The following TMEM114 variants were observed in gnomAD, a reference collection of about 807,000 sequenced individuals.
The protein encoded by TMEM114 is claudin-26.
TMEM114 carries 6 observed loss-of-function variants against 6.2 expected under a neutral mutation model. That is an observed-to-expected ratio of 0.97 (90% confidence interval 0.53 to 1.91). The LOEUF (loss-of-function observed/expected upper bound fraction) is 1.91. TMEM114 is among the 40% of genes most tolerant of loss of function. TMEM114 has a pLI of 0.01. For missense variants in TMEM114, 218 were observed against 158.3 expected (o/e 1.38, Z -2.02); for synonymous variants, 104 against 73.0 (o/e 1.42, Z -2.16).
intron 2 of TMEM114, among the ~76,000 whole-genome samples, chr16:8,561,495 G>A (rs1229459822): frequency 6.6e-6 from 1 of 152,176 alleles, no homozygotes; most frequent in African/African-American, 2.4e-5. Flanking sequence ...AGCTTCAAAA[G>A]GCAGGTTTTG....
intron 2 of TMEM114, among the ~76,000 whole-genome samples, chr16:8,580,409 C>T (rs372062001): frequency 2.6e-5 from 4 of 151,546 alleles, no homozygotes; most frequent in Admixed American, 1.3e-4. Flanking sequence ...ATCACTTGAA[C>T]CTGGGAGGCG....
At chr16:8,563,213 G>A (rs1222392457) in intron 2 of TMEM114, among the ~76,000 whole-genome samples, 1 of 151,578 alleles carries the variant, frequency 6.6e-6, no homozygotes, top group Admixed American at 6.6e-5. Flanking sequence ...GAATGAGTGA[G>A]CAAATAAGTA....
intron 2 of TMEM114, among the ~76,000 whole-genome samples, chr16:8,539,639 G>A (rs531800026): frequency 6.6e-4 from 101 of 152,058 alleles, no homozygotes; most frequent in Admixed American, 5.1e-3. Context: ...AGCACTCTGC[G>A]TGCAACTGGC....
chr16:8,565,294 G>C (rs138596566), downstream of TMEM114, among the ~76,000 whole-genome samples: 3 of 152,312 alleles, frequency 2.0e-5, no homozygotes, highest in East Asian at 5.8e-4. Flanking sequence ...ATGCGTGCAT[G>C]AATATATAAA....
chr16:8,570,430 C>A (rs1165123460), intron 3 of TMEM114, among the ~76,000 whole-genome samples: 2 of 152,162 alleles, frequency 1.3e-5, no homozygotes, highest in Non-Finnish European at 2.9e-5. Flanking sequence ...CTCCCGGGTT[C>A]AAGCTATTCT....
chr16:8,585,765 A>C (rs931838158), intron 2 of TMEM114, among the ~76,000 whole-genome samples: 2 of 152,192 alleles, frequency 1.3e-5, no homozygotes, highest in African/African-American at 4.8e-5. Flanking sequence ...GAGGCCAGAC[A>C]CCACATTAGG....
intron 2 of TMEM114, among the ~76,000 whole-genome samples, chr16:8,555,722 C>A (rs987515171): frequency 6.6e-6 from 1 of 152,160 alleles, no homozygotes; most frequent in African/African-American, 2.4e-5. Context: ...CCAGGGGACA[C>A]CTGGCAATAT....
At chr16:8,554,229 T>C (rs750081663) in intron 2 of TMEM114, among the ~76,000 whole-genome samples, 1 of 149,772 alleles carries the variant, frequency 6.7e-6, no homozygotes, top group Non-Finnish European at 1.5e-5. Flanking sequence ...GCCTGGGCCC[T>C]GCAAACAGAT....
At chr16:8,566,709 C>A (rs1901557597), downstream of TMEM114, among the ~76,000 whole-genome samples, 1 of 152,184 alleles carries the variant, frequency 6.6e-6, no homozygotes, top group Admixed American at 6.5e-5. Context: ...CTTCATTTCC[C>A]TCTAACACAG....
intron 2 of TMEM114, among the ~76,000 whole-genome samples, chr16:8,551,221 T>A (rs1470289250): frequency 6.6e-6 from 1 of 152,120 alleles, no homozygotes; most frequent in East Asian, 1.9e-4. Flanking sequence ...TTGGCCAGAC[T>A]TTGTTAATTT....
downstream of TMEM114, among the ~76,000 whole-genome samples, chr16:8,567,019 G>C (rs1901569068): frequency 6.8e-6 from 1 of 147,466 alleles, no homozygotes; most frequent in Non-Finnish European, 1.5e-5. Flanking sequence ...TCCTGCCTTA[G>C]CCTCCCAAGT....
intron 2 of TMEM114, among the ~76,000 whole-genome samples, chr16:8,563,589 ATGAGTGT>A (rs1901373486): frequency 6.9e-6 from 1 of 144,086 alleles, no homozygotes; most frequent in African/African-American, 2.7e-5. Context: ...GAGTGAGTGA[ATGAGTGT>A]GTGAATGAGT....
chr16:8,570,900 G>A (rs927544389), intron 3 of TMEM114, among the ~76,000 whole-genome samples: 7 of 152,186 alleles, frequency 4.6e-5, no homozygotes, highest in Admixed American at 1.3e-4. Flanking sequence ...TGCAGCTCCC[G>A]ATGCTCGGCA....
intron 2 of TMEM114, among the ~76,000 whole-genome samples, chr16:8,546,100 C>G (rs1437826236): frequency 6.6e-6 from 1 of 152,070 alleles, no homozygotes; most frequent in Non-Finnish European, 1.5e-5. Flanking sequence ...GGGAACAGAG[C>G]AAGACCGTGT....
At chr16:8,537,891 C>T (rs1900405892) in intron 2 of TMEM114, 1 of 151,768 alleles carries the variant, frequency 6.6e-6, no homozygotes, top group Non-Finnish European at 1.5e-5. Context: ...TATGTATAAG[C>T]ATAAAAGGCA....
intron 2 of TMEM114, among the ~76,000 whole-genome samples, chr16:8,563,573 G>A (rs1901371969): frequency 6.7e-6 from 1 of 148,932 alleles, no homozygotes; most frequent in African/African-American, 2.5e-5. Flanking sequence ...GAGGGAGGGA[G>A]GAAATGAGTG....
In TMEM114 at chr16:8,588,466, A is replaced by G. The variant is rs896150468; in HGVS notation, c.301+747T>C. ...GGGAATCAAATGAAGACATAGATGA[A>G]AAGCAGTTCGCTCCACGTCTGGCTT... On this transcript the variant is annotated intron_variant, in intron 2 of 3. Coordinates refer to ENST00000620492, the MANE Select transcript of TMEM114 (RefSeq NM_001146336.2). Among the ~76,000 whole-genome samples the G allele has an allele frequency of 1.7e-3, 261 of 152,280 alleles. 1 individual carries two copies. The highest frequency in any genetic ancestry group is 5.6e-3 in the African/African-American group (233 of 41,558).
At chr16:8,543,522 G>T (rs983143085) in intron 2 of TMEM114, among the ~76,000 whole-genome samples, 1 of 151,914 alleles carries the variant, frequency 6.6e-6, no homozygotes, top group Non-Finnish European at 1.5e-5. Context: ...CTTTGCACTT[G>T]ATGTTCTATC....
intron 2 of TMEM114, among the ~76,000 whole-genome samples, chr16:8,545,681 C>G (rs1017500333): frequency 2.6e-5 from 4 of 152,204 alleles, no homozygotes; most frequent in African/African-American, 9.7e-5. Context: ...GAGGCTGATG[C>G]TGCTGATCTG....
Sources: allele counts gnomAD v4.1 joint callset (sites outside exome capture counted in the v4.1 genomes callset), GRCh38; gene constraint gnomAD v4.1.1; transcripts MANE v1.5; gene names NCBI Gene and HGNC (gene_info 2026-07-23, HGNC 2026-07-21).